Variants in FREM3 observed in about 807,000 individuals in gnomAD.
FREM3 encodes FRAS1 related extracellular matrix 3.
Under a neutral mutation model 129.1 loss-of-function variants are expected in FREM3, and 105 were observed. That is an observed-to-expected ratio of 0.81 (90% CI 0.69 to 0.96). FREM3 has a LOEUF of 0.96. FREM3 is among the 40% of genes least tolerant of loss of function. The pLI is 0.00. For synonymous variants in FREM3, 1,014 were observed against 1,044.9 expected, an observed-to-expected ratio of 0.97 and a Z score of 0.57; for missense variants, 2,593 against 2,666.3, an observed-to-expected ratio of 0.97 and a Z score of 0.61.
At chr4:143,687,066 C>T (rs981857211) in intron 2 of FREM3, among the ~76,000 whole-genome samples, 1 of 151,814 alleles carries the variant, frequency 6.6e-6, no homozygotes, top group African/African-American at 2.4e-5. Context: ...AAGATATTAT[C>T]TTTGAAAAGA....
In FREM3 at chr4:143,588,989, G is replaced by T. The variant is rs1738301437; in HGVS notation, c.6029-2996C>A. Among the ~76,000 whole-genome samples, 3 of 151,952 alleles carry T rather than the reference G, an allele frequency of 2.0e-5. No individual in the cohort carries two copies. The East Asian group carries it at 5.8e-4, about 29-fold the overall frequency. On this transcript the variant is annotated intron_variant, in intron 6 of 7. Coordinates refer to ENST00000329798, the MANE Select transcript of FREM3 (RefSeq NM_001168235.2). ...TGGTTTTGATTTGCATTTCTCTGAT[G>T]GCCAGTGATGATGAGCATTTTTTCA...
Position 143,665,359 on chromosome 4 carries a change from T to C in FREM3, c.5275+27754A>G, listed in dbSNP as rs1739839213. The stretch of plus-strand genomic sequence containing the variant: ...TCTTACCATAGCATTTACCCTGCCT[T>C]ATTAACTTATCCCCCATTAGACTGT... On this transcript the variant is annotated intron_variant, in intron 2 of 7. Coordinates refer to ENST00000329798, the MANE Select transcript of FREM3 (RefSeq NM_001168235.2). 1.3e-5 allele frequency among the ~76,000 whole-genome samples: 2 copies of C among 152,142 alleles called. 1 individual carries two copies. Among genetic ancestry groups the C allele is most frequent in the Non-Finnish European group, 2.9e-5 (2 of 68,006 alleles).
chr4:143,592,514 G>A lies in FREM3; in HGVS notation c.6029-6521C>T, dbSNP rs1200737801. Among the ~76,000 whole-genome samples, 3 of 152,130 alleles carry A rather than the reference G, an allele frequency of 2.0e-5. No homozygotes were observed. In the East Asian group the frequency reaches 5.8e-4, roughly 29 times the overall value. ...TTTGCTTGTGAAGCTTAGTTTGGCTGGATATGAAATTCTGGGTTGAAAATT... is the reference window on the plus strand; with the variant it reads ...TTTGCTTGTGAAGCTTAGTTTGGCTAGATATGAAATTCTGGGTTGAAAATT... On this transcript the variant is annotated intron_variant, in intron 6 of 7. Coordinates refer to ENST00000329798, the MANE Select transcript of FREM3 (RefSeq NM_001168235.2).
At position 143,695,706 on chromosome 4, in the gene FREM3, T is replaced by A. The variant is rs1041842939; in HGVS notation, c.4970A>T (p.Asn1657Ile). The change falls in exon 1 of 8, where the codon AAT becomes ATT. Residue 1657 changes from asparagine (N) to isoleucine (I), a missense_variant. Physicochemically the swap from Asn to Ile is moderately radical, Grantham distance 149. Coordinates refer to ENST00000329798, the MANE Select transcript of FREM3 (RefSeq NM_001168235.2). ...VMRVQIRSLD[N>I]RLPQITTNRG... is the part of the protein sequence containing the mutation. ...GTTGGTAGTAATCTGGGGAAGCCTA[T>A]TGTCTAATGATCTTATCTGGACCCT... 25 of 1,537,144 alleles carry A rather than the reference T, an allele frequency of 1.6e-5. No individual in the cohort carries two copies. The Middle Eastern group carries it at 1.0e-3, about 61-fold the overall frequency.
chr4:143,633,051 A>G (rs1206821314), intron 2 of FREM3, among the ~76,000 whole-genome samples: 1 of 152,152 alleles, frequency 6.6e-6, no homozygotes, highest in Non-Finnish European at 1.5e-5. Flanking sequence ...CAATGTGAGG[A>G]GGCTGCAGGT....
intron 4 of FREM3, 86 bp from the exon 5 acceptor site, chr4:143,621,248 CT>C: frequency 8.2e-7 from 1 of 1,215,582 alleles, no homozygotes; most frequent in Non-Finnish European, 1.1e-6. Flanking sequence ...TGTACAAAGC[CT>C]TTGACTCTTA....
intron 2 of FREM3, among the ~76,000 whole-genome samples, chr4:143,684,324 T>C (rs921501184): frequency 6.6e-6 from 1 of 152,146 alleles, no homozygotes; most frequent in Non-Finnish European, 1.5e-5. Context: ...ATGGTTCACA[T>C]GACAGGACTC....
rs529487808 is a variant in FREM3, at chr4:143,670,796, T to G, written c.5275+22317A>C. On this transcript the variant is annotated intron_variant, in intron 2 of 7. Transcript: ENST00000329798. ...GCCAGATTTTCTGAAGTGTGATTAT[T>G]TTCTTATATCAGAGCTTTCTTAGGT... 1.5e-3 allele frequency among the ~76,000 whole-genome samples: 226 copies of G among 152,280 alleles called. 1 individual carries two copies. Among genetic ancestry groups the G allele is most frequent in the Non-Finnish European group, 2.0e-3 (135 of 67,970 alleles).
chr4:143,631,694 G>T (rs189892857), intron 2 of FREM3, among the ~76,000 whole-genome samples: 171 of 152,166 alleles, frequency 1.1e-3, no homozygotes, highest in African/African-American at 4.0e-3. Context: ...AAGACTTCCT[G>T]GGATGACTGG....
chr4:143,614,749 G>A lies in FREM3; in HGVS notation c.5780-3222C>T, dbSNP rs1283860337. 2.0e-5 allele frequency among the ~76,000 whole-genome samples: 3 copies of A among 152,176 alleles called. No homozygotes were observed. The East Asian group carries it at 5.8e-4, about 29-fold the overall frequency. ...CATGGTGATGTGCTCTCCAAACAAG[G>A]CACGCGAAAGCTGATTTGCAAACTT... On this transcript the variant is annotated intron_variant, in intron 5 of 7. Coordinates refer to ENST00000329798, the MANE Select transcript of FREM3 (RefSeq NM_001168235.2).
At chr4:143,660,859 G>T (rs1287382052) in intron 2 of FREM3, among the ~76,000 whole-genome samples, 3 of 152,152 alleles carry the variant, frequency 2.0e-5, no homozygotes, top group South Asian at 2.1e-4. Context: ...GTGAATGGGA[G>T]TTCACTCATG....
chr4:143,642,403 G>A (rs893983307), intron 2 of FREM3, among the ~76,000 whole-genome samples: 4 of 152,108 alleles, frequency 2.6e-5, no homozygotes, highest in African/African-American at 9.7e-5. Flanking sequence ...CAAAGAAATA[G>A]TAACAAAAAC....
At chr4:143,638,199 C>T (rs1257313464) in intron 2 of FREM3, among the ~76,000 whole-genome samples, 2 of 152,124 alleles carry the variant, frequency 1.3e-5, no homozygotes, top group African/African-American at 2.4e-5. Flanking sequence ...CATGCCTCAA[C>T]AGGGACACCA....
chr4:143,589,688 T>C (rs1399118064), intron 6 of FREM3, among the ~76,000 whole-genome samples: 1 of 152,212 alleles, frequency 6.6e-6, no homozygotes, highest in Non-Finnish European at 1.5e-5. Context: ...GCCTGCAGCT[T>C]TGTTCTTTTG....
At chr4:143,604,754 G>A (rs773454398) in intron 6 of FREM3, among the ~76,000 whole-genome samples, 1 of 151,994 alleles carries the variant, frequency 6.6e-6, no homozygotes, top group Non-Finnish European at 1.5e-5. Context: ...CCATGTATGT[G>A]GATTCTAGCA....
intron 2 of FREM3, among the ~76,000 whole-genome samples, chr4:143,676,493 GCCCT>G (rs1016866780): frequency 1.6e-3 from 237 of 152,280 alleles, no homozygotes; most frequent in African/African-American, 5.6e-3. Context: ...AGACAGGGAT[GCCCT>G]CTCTCACCAC....
At position 143,697,191 on chromosome 4, in the gene FREM3, T is replaced by C. The variant is rs73850916; in HGVS notation, c.3485A>G (p.Gln1162Arg). The C allele has an allele frequency of 5.7e-4, 880 of 1,537,910 alleles. 1 individual carries two copies. The African/African-American group carries it at 0.011, about 19-fold the overall frequency. The change falls in exon 1 of 8, where the codon CAA (glutamine) becomes CGA (arginine). Residue 1162 changes from glutamine to arginine, a missense_variant. By Grantham distance (43) the Gln-to-Arg change is conservative. Around this residue, in one of 2 missense-constraint regions of FREM3, gnomAD observed 2,276 missense variants for 2,267.2 expected, o/e 1.00. Transcript: ENST00000329798. The part of the protein sequence containing the change: ...VQSIHKGVEP[Q>R]EDQFTFYCSD... ...GCAATAAAAGGTGAATTGGTCCTCT[T>C]GTGGCTCTACTCCCTTGTGAATACT...
intron 2 of FREM3, among the ~76,000 whole-genome samples, chr4:143,675,271 A>T (rs924041671): frequency 6.6e-6 from 1 of 152,168 alleles, no homozygotes; most frequent in Non-Finnish European, 1.5e-5. Context: ...GAAACTGAAC[A>T]ACCTGCTCCT....
intron 2 of FREM3, among the ~76,000 whole-genome samples, chr4:143,674,535 A>T (rs1285586426): frequency 6.6e-6 from 1 of 152,238 alleles, no homozygotes; most frequent in Non-Finnish European, 1.5e-5. Flanking sequence ...AAATTCACAC[A>T]TAACAATATT....
Sources: gnomAD v4.1 joint callset for allele counts (sites outside exome capture counted in the v4.1 genomes callset) on GRCh38, gnomAD v4.1.1 for gene constraint, gnomAD v4.1.1 regional missense constraint, MANE v1.5 for transcripts, NCBI Gene and HGNC (gene_info 2026-07-23, HGNC 2026-07-21) for gene names.